Variants in CCDC88A observed in about 807,000 individuals in gnomAD.
The protein encoded by CCDC88A is girdin.
In CCDC88A, 54 loss-of-function variants were observed where a neutral mutation model predicts 234.3. The observed-to-expected ratio is 0.23, with a 90% CI of 0.19 to 0.29. CCDC88A has a LOEUF of 0.29. CCDC88A is among the 10% of genes least tolerant of loss of function. CCDC88A has a pLI of 1.00. For missense variants in CCDC88A, 1,832 were observed against 2,123.4 expected (o/e 0.86, Z 2.70); for synonymous variants, 753 against 737.8 (o/e 1.02, Z -0.33).
chr2:55,332,701 T>C lies in CCDC88A; in HGVS notation c.2728-8A>G, dbSNP rs1398605716. ...CTTTTCACTCACCAAATCCTTATTT[T>C]AAAAGAAATGCAAAACTCACCTAAG... On this transcript the variant is annotated splice_region_variant and splice_polypyrimidine_tract_variant and intron_variant, in intron 15 of 32. Coordinates refer to ENST00000436346, the MANE Select transcript of CCDC88A (RefSeq NM_001365480.1). The surrounding 1 kb of genome is among the most constrained non-coding windows in gnomAD (Gnocchi z 4.5). 8 of 1,612,510 alleles carry C rather than the reference T, an allele frequency of 5.0e-6. No homozygotes were observed. The highest frequency in any genetic ancestry group is 6.8e-6 in the Non-Finnish European group (8 of 1,179,304).
At chr2:55,360,980 T>C (rs1671221200) in intron 7 of CCDC88A, among the ~76,000 whole-genome samples, 1 of 152,118 alleles carries the variant, frequency 6.6e-6, no homozygotes. Context: ...TCCCAGCTAC[T>C]TGGGAGGCTG....
intron 2 of CCDC88A, among the ~76,000 whole-genome samples, chr2:55,416,179 G>A (rs897807672): frequency 6.6e-6 from 1 of 151,330 alleles, no homozygotes; most frequent in South Asian, 2.1e-4. Flanking sequence ...ACATAGACAT[G>A]GAAGATATAA....
Position 55,308,945 on chromosome 2 carries a change from A to G in CCDC88A, c.4251T>C (p.Ser1417=). The change falls in exon 25 of 33, where the codon TCT becomes TCC. Residue 1417 remains serine, a synonymous_variant. Coordinates refer to ENST00000436346, the MANE Select transcript of CCDC88A (RefSeq NM_001365480.1). ...KKDINRERQK[S]LTLTPTRSDS... is the part of the protein sequence containing the mutation. Reference sequence around the variant, plus strand: ...CTGAGCGGGTGGGTGTTAATGTTAGAGATTTCTGGCGTTCCCGATTAATAT... The same window carrying G: ...CTGAGCGGGTGGGTGTTAATGTTAGGGATTTCTGGCGTTCCCGATTAATAT... 1.2e-6 allele frequency: 2 copies of G among 1,614,080 alleles called. No individual in the cohort carries two copies. The highest frequency in any genetic ancestry group is 1.7e-6 in the Non-Finnish European group (2 of 1,179,956).
In CCDC88A at chr2:55,306,590, T is replaced by C. The variant is rs555213504; in HGVS notation, c.4387+2219A>G. ...CATTCTGAAATATATCCCATAATTT[T>C]ATTTAATTTTTTTGAGACAAAGTCT... On this transcript the variant is annotated intron_variant, in intron 25 of 32. Transcript: ENST00000436346. Among the ~76,000 whole-genome samples the C allele has an allele frequency of 2.0e-5, 3 of 152,330 alleles. No individual in the cohort carries two copies. In the South Asian group the frequency reaches 6.2e-4, roughly 32 times the overall value.
At position 55,362,463 on chromosome 2, in the gene CCDC88A, C is replaced by A; in HGVS notation, c.487-15G>T. On this transcript the variant is annotated splice_polypyrimidine_tract_variant and intron_variant, in intron 6 of 32. Transcript: ENST00000436346. ...TTATGAGTTACCTTTAGAAAAGTGA[C>A]CAAAATAAACAACCAAAAAAGTGGC... The A allele has an allele frequency of 6.3e-7, 1 of 1,590,110 alleles. No homozygotes were observed.
intron 22 of CCDC88A, chr2:55,312,933 G>C: frequency 5.9e-6 from 1 of 170,284 alleles, no homozygotes; most frequent in Non-Finnish European, 1.3e-5. Context: ...TGTTAGACAA[G>C]TAAGTTCTCA....
chr2:55,350,334 T>A (rs2589086), intron 8 of CCDC88A: 78,551 of 152,026 alleles, frequency 0.52, 22,405 homozygotes, highest in East Asian at 0.85. Flanking sequence ...AATTGCCATA[T>A]GATACTAAAA....
intron 5 of CCDC88A, among the ~76,000 whole-genome samples, chr2:55,370,962 C>T (rs188877054): frequency 2.0e-5 from 3 of 152,068 alleles, no homozygotes; most frequent in Admixed American, 6.6e-5. Context: ...CAGTGAGAGG[C>T]GTGATCATGA....
intron 3 of CCDC88A, among the ~76,000 whole-genome samples, chr2:55,387,034 G>A (rs1010254191): frequency 2.6e-5 from 4 of 151,368 alleles, no homozygotes; most frequent in African/African-American, 9.7e-5. Flanking sequence ...AAAATTAGCC[G>A]GGTGTGGTAG....
At position 55,354,356 on chromosome 2, in the gene CCDC88A, C is replaced by T. The variant is rs192334558; in HGVS notation, c.800+1223G>A. 1.7e-3 allele frequency among the ~76,000 whole-genome samples: 266 copies of T among 152,088 alleles called. 3 individuals carry two copies. Among genetic ancestry groups the T allele is most frequent in the Admixed American group, 0.015 (226 of 15,270 alleles). ...ATGTTGGCCAGGCTGGTCTTGAACT[C>T]CTGACCTCAAGTGATCCACCTGCCT... On this transcript the variant is annotated intron_variant, in intron 8 of 32. Transcript: ENST00000436346.
Position 55,388,876 on chromosome 2 carries a change from A to T in CCDC88A, c.175T>A (p.Leu59Met). The T allele has an allele frequency of 1.5e-6, 2 of 1,313,226 alleles. No individual in the cohort carries two copies. The highest frequency in any genetic ancestry group is 2.5e-5 in the East Asian group (1 of 39,740). The allele number at this position is 1,313,226 out of a possible 1,614,324, so 81.3% of individuals were successfully genotyped here. Residue 59 changes from leucine to methionine, a missense_variant, in exon 3 of 33, where the codon TTG (leucine) becomes ATG (methionine). This residue lies in a region of CCDC88A where 84 missense variants were observed against 80.9 expected (regional missense o/e 1.04). Transcript: ENST00000436346. ...TTTTTATTTACTCTCTGACTCTCCAATTTAGGATTACTGTAAGAAATACAA... is the reference window on the plus strand; with the variant it reads ...TTTTTATTTACTCTCTGACTCTCCATTTTAGGATTACTGTAAGAAATACAA... ...NQVMLQINPK[L>M]ESQRVNKKVN... is the part of the protein sequence containing the mutation.
chr2:55,391,590 G>A (rs1314405470), intron 2 of CCDC88A, among the ~76,000 whole-genome samples: 1 of 152,126 alleles, frequency 6.6e-6, no homozygotes, highest in Non-Finnish European at 1.5e-5. Context: ...AAACTCAAAT[G>A]GGACTTCTGA....
Position 55,322,576 on chromosome 2 carries a change from AGTC to A in CCDC88A, c.3111_3113del (p.Thr1038del). 11 of 1,608,498 alleles carry A rather than the reference AGTC, an allele frequency of 6.8e-6. No homozygotes were observed. Among genetic ancestry groups the A allele is most frequent in the Non-Finnish European group, 9.4e-6 (11 of 1,175,540 alleles). On this transcript the variant is annotated inframe_deletion, in exon 18 of 33. Transcript: ENST00000436346. ...TGTCTTTAACTTTCAGAAGTTCTCT[AGTC>A]GTTTCTTGACTTTCTCGCTCCCATT...
rs571067641 is a variant in CCDC88A, at chr2:55,390,646, G to C, written c.165-1760C>G. 1.1e-4 allele frequency among the ~76,000 whole-genome samples: 16 copies of C among 152,324 alleles called. No homozygotes were observed. The South Asian group carries it at 2.3e-3, about 22-fold the overall frequency. ...GACTTTGGACAGCAGGTAATGCAAA[G>C]CTAGGTTCTCTCTAGTAAGGCACTG... is the stretch of plus-strand genomic sequence containing the variant. On this transcript the variant is annotated intron_variant, in intron 2 of 32. Coordinates refer to ENST00000436346, the MANE Select transcript of CCDC88A (RefSeq NM_001365480.1).
chr2:55,386,977 C>G (rs1430680020), intron 3 of CCDC88A, among the ~76,000 whole-genome samples: 2 of 150,638 alleles, frequency 1.3e-5, no homozygotes, highest in African/African-American at 4.9e-5. Context: ...GAGTTCGAGA[C>G]CAGCCTGGCC....
intron 2 of CCDC88A, among the ~76,000 whole-genome samples, chr2:55,413,819 G>A (rs775601747): frequency 6.6e-6 from 1 of 152,080 alleles, no homozygotes; most frequent in South Asian, 2.1e-4. Context: ...AAGCATGGTA[G>A]CGCGTGCCTG....
intron 2 of CCDC88A, among the ~76,000 whole-genome samples, chr2:55,395,630 A>C (rs1427422537): frequency 6.6e-6 from 1 of 152,202 alleles, no homozygotes; most frequent in African/African-American, 2.4e-5. Flanking sequence ...TTTTTAAACC[A>C]TTGCTTTCTA....
At chr2:55,304,254 C>T (rs557780037) in intron 25 of CCDC88A, among the ~76,000 whole-genome samples, 5 of 152,222 alleles carry the variant, frequency 3.3e-5, no homozygotes, top group Admixed American at 6.5e-5. Context: ...GCTATGATCA[C>T]GCCACTGCAC....
In CCDC88A at chr2:55,309,352, CAT is replaced by C; in HGVS notation, c.4080-100_4080-99del. 1 of 546,080 alleles carries C rather than the reference CAT, an allele frequency of 1.8e-6. No homozygotes were observed. The highest frequency in any genetic ancestry group is 3.2e-5 in the East Asian group (1 of 31,560). 33.8% of individuals were successfully genotyped at this position (546,080 alleles called of 1,614,324 possible). ...ACTGTGATCTAATGTCTCCCCAAAA[CAT>C]AAAAAAATACAGATACCATGGTTGG... On this transcript the variant is annotated intron_variant, in intron 23 of 32. Transcript: ENST00000436346. The surrounding 1 kb of genome is among the most constrained non-coding windows in gnomAD (Gnocchi z 5.1).
Sources: allele counts gnomAD v4.1 joint callset (sites outside exome capture counted in the v4.1 genomes callset), GRCh38; gene constraint gnomAD v4.1.1; regional missense constraint gnomAD v4.1.1; non-coding constraint Gnocchi (gnomAD v3.1); transcripts MANE v1.5; gene names NCBI Gene and HGNC (gene_info 2026-07-23, HGNC 2026-07-21).